The following KIRREL3 variants were observed in gnomAD, a reference collection of about 807,000 sequenced individuals.
KIRREL3 encodes kirre like nephrin family adhesion molecule 3.
A neutral mutation model predicts 89.7 loss-of-function variants in KIRREL3; 36 were observed. The observed-to-expected ratio is 0.40, with a 90% CI of 0.31 to 0.53. KIRREL3 has a LOEUF of 0.53. Ranked by LOEUF, KIRREL3 falls within the 20% of genes least tolerant of loss-of-function variation. The pLI, the probability that KIRREL3 is intolerant of heterozygous loss-of-function variation, is 0.49. For missense variants in KIRREL3, 864 were observed against 1,056.6 expected (o/e 0.82, Z 2.53); for synonymous variants, 445 against 441.4 (o/e 1.01, Z -0.10).
chr11:126,541,287 C>T lies in KIRREL3; in HGVS notation c.134-14600G>A, dbSNP rs1032581362. On this transcript the variant is annotated intron_variant, in intron 2 of 16. Coordinates refer to ENST00000525144, the MANE Select transcript of KIRREL3 (RefSeq NM_032531.4). This position sits in a 1 kb window ranked among gnomAD's most constrained non-coding sequence, Gnocchi z 4.8. ...CACCTCTTAGCTGTGTGCCCTTGGG[C>T]CTGACTCTTTAACTAAGACTCAGAT... is the stretch of plus-strand genomic sequence containing the variant. Among the ~76,000 whole-genome samples, 3 of 152,168 alleles carry T rather than the reference C, an allele frequency of 2.0e-5. No homozygotes were observed. The highest frequency in any genetic ancestry group is 2.9e-5 in the Non-Finnish European group (2 of 68,036).
intron 1 of KIRREL3, among the ~76,000 whole-genome samples, chr11:126,692,624 A>G (rs762977485): frequency 1.3e-5 from 2 of 151,906 alleles, no homozygotes; most frequent in Non-Finnish European, 1.5e-5. Flanking sequence ...TAAACAAAAT[A>G]TAGCATATAC....
At position 126,543,392 on chromosome 11, in the gene KIRREL3, A is replaced by T. The variant is rs76670110; in HGVS notation, c.134-16705T>A. 8.1e-3 allele frequency among the ~76,000 whole-genome samples: 1,238 copies of T among 152,158 alleles called. 16 individuals carry two copies. The highest frequency in any genetic ancestry group is 0.027 in the African/African-American group (1,130 of 41,506). On this transcript the variant is annotated intron_variant, in intron 2 of 16. Transcript: ENST00000525144. ...GCAGGTGTAGCCCTGGCTCATATCCACCATCCTGAGAAATAGAAAATCTTT... is the reference window on the plus strand; with the variant it reads ...GCAGGTGTAGCCCTGGCTCATATCCTCCATCCTGAGAAATAGAAAATCTTT...
rs1053568924 is a variant in KIRREL3, at chr11:126,898,411, G to C, written c.55+102044C>G. On this transcript the variant is annotated intron_variant, in intron 1 of 16. Transcript: ENST00000525144. This position sits in a 1 kb window ranked among gnomAD's most constrained non-coding sequence, Gnocchi z 4.9. ...CCTAAGGCACATAAGTAAGTATTGT[G>C]TGGTGGTATGAATGCTGGATTCTCA... 1.3e-5 allele frequency among the ~76,000 whole-genome samples: 2 copies of C among 152,166 alleles called. No homozygotes were observed. Among genetic ancestry groups the C allele is most frequent in the East Asian group, 3.9e-4 (2 of 5,188 alleles).
chr11:126,972,756 A>G (rs1949462615), intron 1 of KIRREL3, among the ~76,000 whole-genome samples: 1 of 152,106 alleles, frequency 6.6e-6, no homozygotes, highest in Admixed American at 6.6e-5. Flanking sequence ...TGCCACATGT[A>G]TGTACACACA....
intron 5 of KIRREL3, among the ~76,000 whole-genome samples, chr11:126,468,924 CCTAA>C (rs1307562973): frequency 3.3e-5 from 5 of 152,214 alleles, no homozygotes; most frequent in African/African-American, 4.8e-5. Flanking sequence ...ATGTGGCCAG[CCTAA>C]CTATGACACC....
Position 126,492,092 on chromosome 11 carries a change from C to T in KIRREL3, c.434-18626G>A, listed in dbSNP as rs73632989. ...GCCAAAGGGCCCCATCCTTGCTTAC[C>T]TCAGTTTCCTCCGGGCTTATAAAAT... On this transcript the variant is annotated intron_variant, in intron 4 of 16. Coordinates refer to ENST00000525144, the MANE Select transcript of KIRREL3 (RefSeq NM_032531.4). The surrounding 1 kb of genome is among the most constrained non-coding windows in gnomAD (Gnocchi z 4.8). 0.067 allele frequency among the ~76,000 whole-genome samples: 10,243 copies of T among 152,196 alleles called. 1,158 individuals carry two copies. The highest frequency in any genetic ancestry group is 0.23 in the African/African-American group (9,613 of 41,458).
At chr11:126,660,136 G>A (rs1169885769) in intron 1 of KIRREL3, among the ~76,000 whole-genome samples, 4 of 152,158 alleles carry the variant, frequency 2.6e-5, no homozygotes, top group Admixed American at 2.6e-4. Context: ...GTATGTGAAG[G>A]GCAAAGGAGG....
rs560884021 is a variant in KIRREL3 at position 126,544,422 on chromosome 11, G to A, written c.134-17735C>T. ...TTATGAGTTTGGGTTTGGCAGGGAG[G>A]CAGCTGCTTGCAGCCAGTTCTCTTC... On this transcript the variant is annotated intron_variant, in intron 2 of 16. Transcript: ENST00000525144. The surrounding 1 kb of genome is among the most constrained non-coding windows in gnomAD (Gnocchi z 5.6). 6.6e-6 allele frequency among the ~76,000 whole-genome samples: 1 copy of A among 152,296 alleles called. No homozygotes were observed. The highest frequency in any genetic ancestry group is 1.5e-5 in the Non-Finnish European group (1 of 68,018).
intron 5 of KIRREL3, among the ~76,000 whole-genome samples, chr11:126,469,804 C>A (rs2134272872): frequency 6.6e-6 from 1 of 152,358 alleles, no homozygotes; most frequent in Non-Finnish European, 1.5e-5. Flanking sequence ...GGGTCTCAGG[C>A]CTCTGCTGCT....
intron 11 of KIRREL3, 23 bp downstream of exon 11, chr11:126,440,426 C>T: frequency 6.5e-7 from 1 of 1,550,298 alleles, no homozygotes; most frequent in African/African-American, 1.4e-5. Context: ...CCGGCCCCCG[C>T]CCGCCGTCCC....
intron 4 of KIRREL3, among the ~76,000 whole-genome samples, chr11:126,499,922 T>C (rs1565502464): frequency 6.6e-6 from 1 of 152,224 alleles, no homozygotes; most frequent in East Asian, 1.9e-4. Flanking sequence ...AGTAAACTCC[T>C]TGAGGGCACA....
At chr11:126,466,772 C>T (rs1383031331) in intron 5 of KIRREL3, among the ~76,000 whole-genome samples, 2 of 152,242 alleles carry the variant, frequency 1.3e-5, no homozygotes, top group African/African-American at 4.8e-5. Context: ...CTTCCCTTCA[C>T]TGAGCTTGGC....
At position 126,541,770 on chromosome 11, in the gene KIRREL3, T is replaced by C. The variant is rs117171932; in HGVS notation, c.134-15083A>G. ...ACTGTTGTGTGCCCACAGCACGGGC[T>C]TGTGGGCCTGGGTTATTTCTAGTTC... On this transcript the variant is annotated intron_variant, in intron 2 of 16. Transcript: ENST00000525144. The surrounding 1 kb of genome is among the most constrained non-coding windows in gnomAD (Gnocchi z 4.8). Among the ~76,000 whole-genome samples the C allele has an allele frequency of 0.017, 2,578 of 152,216 alleles. 32 individuals are homozygous for C. Among genetic ancestry groups the C allele is most frequent in the Middle Eastern group, 0.048 (14 of 294 alleles).
intron 1 of KIRREL3, among the ~76,000 whole-genome samples, chr11:126,712,625 C>T (rs375814194): frequency 2.0e-4 from 30 of 152,262 alleles, no homozygotes; most frequent in African/African-American, 6.5e-4. Context: ...GAGGATCACC[C>T]GCCACGGCTT....
chr11:126,649,944 T>C (rs899905860), intron 1 of KIRREL3, among the ~76,000 whole-genome samples: 3 of 152,226 alleles, frequency 2.0e-5, no homozygotes, highest in African/African-American at 4.8e-5. Flanking sequence ...GGAGTTTCCA[T>C]ACATTTTCTG....
intron 16 of KIRREL3, among the ~76,000 whole-genome samples, chr11:126,425,276 T>C (rs551945678): frequency 9.2e-5 from 14 of 152,296 alleles, no homozygotes; most frequent in Non-Finnish European, 1.8e-4. Flanking sequence ...GGGTGAGGGC[T>C]GAGGGCCGAA....
intron 1 of KIRREL3, among the ~76,000 whole-genome samples, chr11:126,849,502 G>A (rs569809264): frequency 4.9e-4 from 74 of 152,204 alleles, no homozygotes; most frequent in African/African-American, 1.8e-3. Context: ...CTGGATTGAG[G>A]CCCCTTTCCA....
chr11:126,835,983 T>C (rs2134504606), intron 1 of KIRREL3, among the ~76,000 whole-genome samples: 1 of 152,336 alleles, frequency 6.6e-6, no homozygotes, highest in Admixed American at 6.5e-5. Flanking sequence ...TCTTTGACGA[T>C]ACTTGGTATG....
chr11:126,533,062 C>A (rs1409483405), intron 2 of KIRREL3, among the ~76,000 whole-genome samples: 5 of 152,178 alleles, frequency 3.3e-5, no homozygotes, highest in African/African-American at 1.2e-4. Flanking sequence ...GTGCCTCAGC[C>A]TTCCAAAGTG....
Sources: allele counts gnomAD v4.1 joint callset (sites outside exome capture counted in the v4.1 genomes callset), GRCh38; gene constraint gnomAD v4.1.1; non-coding constraint Gnocchi (gnomAD v3.1); transcripts MANE v1.5; gene names NCBI Gene and HGNC (gene_info 2026-07-23, HGNC 2026-07-21).